CHCHD6: variants seen among roughly 807,000 people sequenced by gnomAD.
CHCHD6 encodes MICOS complex subunit MIC25.
Under a neutral mutation model 32.3 loss-of-function variants are expected in CHCHD6, and 28 were observed. The observed-to-expected ratio is 0.87, with a 90% CI of 0.64 to 1.19. The LOEUF is 1.19. Ranked by LOEUF, CHCHD6 falls within the 50% of genes most tolerant of loss-of-function variation. The pLI is 0.00. For missense variants in CHCHD6, 333 were observed against 307.0 expected (o/e 1.08, Z -0.63); for synonymous variants, 122 against 117.5 (o/e 1.04, Z -0.25).
chr3:126,782,660 C>T (rs970260120), intron 4 of CHCHD6, among the ~76,000 whole-genome samples: 2 of 152,160 alleles, frequency 1.3e-5, no homozygotes, highest in Non-Finnish European at 2.9e-5. Context: ...GGTCCTCCCG[C>T]AGACACCACT....
At chr3:126,911,075 A>C (rs1559917654) in intron 5 of CHCHD6, among the ~76,000 whole-genome samples, 1 of 152,166 alleles carries the variant, frequency 6.6e-6, no homozygotes, top group Non-Finnish European at 1.5e-5. Flanking sequence ...AATAAAAAAA[A>C]CTCAGCCTCA....
chr3:126,912,864 C>T (rs1255829577), intron 5 of CHCHD6, among the ~76,000 whole-genome samples: 1 of 152,248 alleles, frequency 6.6e-6, no homozygotes, highest in Non-Finnish European at 1.5e-5. Context: ...CTTCCATGCC[C>T]TATGGCCTTA....
At chr3:126,913,752 G>A (rs1331030581) in intron 5 of CHCHD6, among the ~76,000 whole-genome samples, 1 of 152,234 alleles carries the variant, frequency 6.6e-6, no homozygotes, top group Non-Finnish European at 1.5e-5. Context: ...ACGGCAGGAG[G>A]CTGCTAGCAG....
chr3:126,709,765 T>C lies in CHCHD6; in HGVS notation c.87+5366T>C, dbSNP rs577409299. 2.6e-5 allele frequency among the ~76,000 whole-genome samples: 4 copies of C among 152,380 alleles called. No individual in the cohort carries two copies. The East Asian group carries it at 7.7e-4, about 29-fold the overall frequency. Reference sequence around the variant, plus strand: ...ACTAATGATGTTGAGCGTCTCTTCATGTGCCTATCCTTATATTTTCTTTGG... The same window carrying C: ...ACTAATGATGTTGAGCGTCTCTTCACGTGCCTATCCTTATATTTTCTTTGG... On this transcript the variant is annotated intron_variant, in intron 1 of 7. Transcript: ENST00000290913.
intron 5 of CHCHD6, among the ~76,000 whole-genome samples, chr3:126,901,656 GA>G (rs1215590900): frequency 6.6e-6 from 1 of 152,250 alleles, no homozygotes; most frequent in Non-Finnish European, 1.5e-5. Context: ...CTACATCTTA[GA>G]CTTATATTTC....
chr3:126,757,205 T>G (rs1451032069), intron 4 of CHCHD6, among the ~76,000 whole-genome samples: 6 of 152,232 alleles, frequency 3.9e-5, no homozygotes, highest in African/African-American at 1.4e-4. Flanking sequence ...TTTTGGATTT[T>G]GGGTTTTCAG....
At chr3:126,837,387 G>C (rs1278668007) in intron 4 of CHCHD6, among the ~76,000 whole-genome samples, 1 of 152,044 alleles carries the variant, frequency 6.6e-6, no homozygotes, top group Non-Finnish European at 1.5e-5. Flanking sequence ...AACATAGTGA[G>C]ACCCCATCTC....
intron 7 of CHCHD6, chr3:126,958,022 A>T (rs1352195057): frequency 4.2e-6 from 1 of 237,586 alleles, no homozygotes; most frequent in African/African-American, 2.2e-5. Context: ...GAGCTGGTCT[A>T]CAGGGGTGTG....
intron 5 of CHCHD6, among the ~76,000 whole-genome samples, chr3:126,869,931 A>G (rs1216814380): frequency 6.6e-6 from 1 of 152,098 alleles, no homozygotes; most frequent in African/African-American, 2.4e-5. Flanking sequence ...CATTCTAATC[A>G]TTGTTGGAAT....
At chr3:126,711,294 T>C (rs1934737970) in intron 1 of CHCHD6, among the ~76,000 whole-genome samples, 1 of 152,220 alleles carries the variant, frequency 6.6e-6, no homozygotes, top group Non-Finnish European at 1.5e-5. Context: ...GAGAATCTTA[T>C]TCTTCCAGGC....
intron 4 of CHCHD6, among the ~76,000 whole-genome samples, chr3:126,740,957 G>A (rs777929960): frequency 1.1e-4 from 16 of 152,196 alleles, no homozygotes; most frequent in Admixed American, 2.0e-4. Flanking sequence ...CATGGTGTTC[G>A]GTCATGGGAT....
chr3:126,892,565 T>C (rs1481189720), intron 5 of CHCHD6, among the ~76,000 whole-genome samples: 7 of 152,208 alleles, frequency 4.6e-5, no homozygotes, highest in Non-Finnish European at 1.0e-4. Context: ...TCTTCTGCCC[T>C]CCTGGGGCAC....
At chr3:126,890,698 C>T (rs913567596) in intron 5 of CHCHD6, among the ~76,000 whole-genome samples, 19 of 152,230 alleles carry the variant, frequency 1.2e-4, no homozygotes, top group African/African-American at 4.6e-4. Flanking sequence ...AAGAACCCTA[C>T]TAAAGCAACA....
intron 4 of CHCHD6, among the ~76,000 whole-genome samples, chr3:126,806,486 A>C (rs575896401): frequency 6.6e-6 from 1 of 152,314 alleles, no homozygotes; most frequent in East Asian, 1.9e-4. Flanking sequence ...TGCAAATCAA[A>C]ACCACAATGA....
chr3:126,890,487 T>C (rs962061994), intron 5 of CHCHD6, among the ~76,000 whole-genome samples: 20 of 152,190 alleles, frequency 1.3e-4, no homozygotes, highest in Non-Finnish European at 2.2e-4. Context: ...ACTGTGCCTG[T>C]ACAGCCCCAG....
chr3:126,955,713 C>G (rs749489866), intron 6 of CHCHD6, among the ~76,000 whole-genome samples: 1 of 152,202 alleles, frequency 6.6e-6, no homozygotes, highest in Admixed American at 6.5e-5. Flanking sequence ...ACATGGGACA[C>G]TCACTGCTCA....
chr3:126,816,305 C>T (rs562597210), intron 4 of CHCHD6, among the ~76,000 whole-genome samples: 19 of 152,274 alleles, frequency 1.2e-4, no homozygotes, highest in Non-Finnish European at 1.2e-4. Flanking sequence ...TTCTCGTTGG[C>T]GTTGTCATAT....
intron 4 of CHCHD6, among the ~76,000 whole-genome samples, chr3:126,747,241 A>G (rs1936542826): frequency 1.3e-5 from 2 of 151,984 alleles, no homozygotes; most frequent in South Asian, 4.2e-4. Context: ...TACTCAGATG[A>G]TCTGGGTCTT....
intron 5 of CHCHD6, among the ~76,000 whole-genome samples, chr3:126,891,967 G>GGGTGCCCTGTGCTTGGGA (rs1313672047): frequency 6.6e-6 from 1 of 152,196 alleles, no homozygotes; most frequent in African/African-American, 2.4e-5. Flanking sequence ...GCTTGTCACT[G>GGGTGCCCTGTGCTTGGGA]AGCTGGAGTG....
Sources: gnomAD v4.1 joint callset for allele counts (sites outside exome capture counted in the v4.1 genomes callset) on GRCh38, gnomAD v4.1.1 for gene constraint, MANE v1.5 for transcripts, NCBI Gene and HGNC (gene_info 2026-07-23, HGNC 2026-07-21) for gene names.